SPOPL: variants seen among roughly 807,000 people sequenced by gnomAD.
SPOPL encodes speckle-type POZ protein-like.
SPOPL carries 23 observed loss-of-function variants against 53.8 expected under a neutral mutation model. The ratio of observed to expected loss-of-function variants is 0.43; its 90% CI spans 0.31 to 0.61. The LOEUF is 0.61. Ranked by LOEUF, SPOPL falls within the 20% of genes least tolerant of loss-of-function variation. The pLI, the probability that SPOPL is intolerant of heterozygous loss-of-function variation, is 0.12. For synonymous variants in SPOPL, 164 were observed against 149.7 expected, an observed-to-expected ratio of 1.10 and a Z score of -0.70; for missense variants, 442 against 466.9, an observed-to-expected ratio of 0.95 and a Z score of 0.49.
At chr2:138,505,501 A>G (rs1035623785) in intron 1 of SPOPL, among the ~76,000 whole-genome samples, 1 of 151,358 alleles carries the variant, frequency 6.6e-6, no homozygotes, top group Non-Finnish European at 1.5e-5. Flanking sequence ...TCATACCTAT[A>G]ATCCCAGCAC....
At chr2:138,532,454 T>G (rs1254773871) in intron 1 of SPOPL, among the ~76,000 whole-genome samples, 1 of 131,316 alleles carries the variant, frequency 7.6e-6, no homozygotes, top group Non-Finnish European at 1.6e-5. Flanking sequence ...TGAGATAGAA[T>G]CTCGCTCTGT....
intron 1 of SPOPL, among the ~76,000 whole-genome samples, chr2:138,527,523 A>T (rs544474473): frequency 6.6e-6 from 1 of 152,248 alleles, no homozygotes; most frequent in Non-Finnish European, 1.5e-5. Context: ...ATTTATTTTT[A>T]ATCAAGAAGT....
intron 5 of SPOPL, chr2:138,554,646 C>A: frequency 2.4e-6 from 1 of 424,538 alleles, no homozygotes; most frequent in Non-Finnish European, 3.5e-6. Flanking sequence ...GTAAGCAGCT[C>A]TGCCCTCTTT....
intron 5 of SPOPL, among the ~76,000 whole-genome samples, chr2:138,555,131 G>GGTGTGTGT (rs61000380): frequency 0.093 from 13,070 of 140,034 alleles, 774 homozygotes; most frequent in Middle Eastern, 0.18. Flanking sequence ...AGGGTAGGAG[G>GGTGTGTGT]GTGTGTGTGT....
intron 1 of SPOPL, among the ~76,000 whole-genome samples, chr2:138,531,444 T>G (rs1158658343): frequency 6.6e-6 from 1 of 152,180 alleles, no homozygotes; most frequent in Non-Finnish European, 1.5e-5. Flanking sequence ...CTACTTATAT[T>G]TAAGCCCCAA....
chr2:138,535,312 T>A (rs1030882153), intron 1 of SPOPL, among the ~76,000 whole-genome samples: 3 of 152,200 alleles, frequency 2.0e-5, no homozygotes, highest in African/African-American at 7.2e-5. Flanking sequence ...CAAAGAACAT[T>A]TATGTTTCAG....
intron 1 of SPOPL, among the ~76,000 whole-genome samples, chr2:138,510,568 A>AT (rs1177853626): frequency 1.3e-5 from 2 of 152,154 alleles, no homozygotes; most frequent in Non-Finnish European, 2.9e-5. Context: ...TGCAAATCAG[A>AT]TTTTGCCTTA....
rs2104912431 is a variant in SPOPL, at chr2:138,571,655, G to A, written c.*2575G>A. On this transcript the variant is annotated 3_prime_UTR_variant, in exon 11 of 11. Coordinates refer to ENST00000280098, the MANE Select transcript of SPOPL (RefSeq NM_001001664.3). ...GCCTCCTTCTCCTCATTTTTAAACT[G>A]CATACATTACTTTCAAAATAGGTAT... The A allele has an allele frequency of 6.6e-6, 1 of 152,526 alleles. No individual in the cohort carries two copies. Among genetic ancestry groups the A allele is most frequent in the East Asian group, 1.9e-4 (1 of 5,176 alleles). The allele number at this position is 152,526 out of a possible 1,614,324, so 9.4% of individuals were successfully genotyped here.
chr2:138,515,723 T>C (rs1684422912), intron 1 of SPOPL, among the ~76,000 whole-genome samples: 1 of 152,208 alleles, frequency 6.6e-6, no homozygotes, highest in Non-Finnish European at 1.5e-5. Flanking sequence ...GGGGATAATA[T>C]TTGTTGATTT....
rs1349574375 is a variant in SPOPL at position 138,572,566 on chromosome 2, G to C, written c.*3486G>C. On this transcript the variant is annotated 3_prime_UTR_variant, in exon 11 of 11. Coordinates refer to ENST00000280098, the MANE Select transcript of SPOPL (RefSeq NM_001001664.3). ...TATACTTGAAGAGGTGAATTATTCT[G>C]ACTTGGACATGCATGCTCTTTGATG... 2 of 152,476 alleles carry C rather than the reference G, an allele frequency of 1.3e-5. No homozygotes were observed. Among genetic ancestry groups the C allele is most frequent in the Admixed American group, 6.5e-5 (1 of 15,272 alleles). The allele number at this position is 152,476 out of a possible 1,614,324, so 9.4% of individuals were successfully genotyped here.
Position 138,564,706 on chromosome 2 carries a change from A to C in SPOPL, c.838-2A>C. 6.2e-7 allele frequency: 1 copy of C among 1,613,830 alleles called. No individual in the cohort carries two copies. The highest frequency in any genetic ancestry group is 8.5e-7 in the Non-Finnish European group (1 of 1,179,898). ...TAATGGTTATGTTTTCATTTTGGAT[A>C]GTATGCACTGGAACGGCTGAAGGTC... On this transcript the variant is annotated splice_acceptor_variant, in intron 8 of 10. Coordinates refer to ENST00000280098, the MANE Select transcript of SPOPL (RefSeq NM_001001664.3). LOFTEE classifies it high-confidence loss of function.
chr2:138,533,207 A>T (rs2104875479), intron 1 of SPOPL, among the ~76,000 whole-genome samples: 1 of 152,334 alleles, frequency 6.6e-6, no homozygotes. Context: ...AGATCACAGA[A>T]TTCATGGCAA....
At position 138,507,413 on chromosome 2, in the gene SPOPL, G is replaced by A. The variant is rs924299593; in HGVS notation, c.-61+5294G>A. On this transcript the variant is annotated intron_variant, in intron 1 of 10. Coordinates refer to ENST00000280098, the MANE Select transcript of SPOPL (RefSeq NM_001001664.3). ...AATTCAGAGACTAGGGACCATGAAC[G>A]ATTAAACAAATATTTGTTTTTCTTG... Among the ~76,000 whole-genome samples the A allele has an allele frequency of 3.9e-5, 6 of 152,156 alleles. No homozygotes were observed. The South Asian group carries it at 6.2e-4, about 16-fold the overall frequency.
intron 4 of SPOPL, among the ~76,000 whole-genome samples, chr2:138,551,736 T>G (rs574178120): frequency 1.3e-5 from 2 of 152,160 alleles, no homozygotes; most frequent in South Asian, 2.1e-4. Context: ...AATATATATT[T>G]TCACATTGTC....
chr2:138,555,131 GGTGTGTGTGTGTGTGTGTGTGTGT>G (rs61000380), intron 5 of SPOPL, among the ~76,000 whole-genome samples: 2 of 140,090 alleles, frequency 1.4e-5, no homozygotes, highest in Non-Finnish European at 3.1e-5. Flanking sequence ...AGGGTAGGAG[GGTGTGTGTGTGTGTGTGTGTGTGT>G]GTGTGTGTGT....
At chr2:138,525,662 A>AACAAAAAC (rs1553468786) in intron 1 of SPOPL, among the ~76,000 whole-genome samples, 2 of 104,576 alleles carry the variant, frequency 1.9e-5, no homozygotes, top group East Asian at 2.8e-4. Context: ...AGTAGAAAAA[A>AACAAAAAC]AAAAAAAAAA....
At chr2:138,546,767 A>C (rs1231494006) in intron 1 of SPOPL, among the ~76,000 whole-genome samples, 2 of 152,220 alleles carry the variant, frequency 1.3e-5, no homozygotes, top group Non-Finnish European at 2.9e-5. Context: ...CTCATCATTA[A>C]GATGGTGTAT....
chr2:138,557,179 G>A (rs1685445029), intron 5 of SPOPL, among the ~76,000 whole-genome samples: 2 of 152,008 alleles, frequency 1.3e-5, no homozygotes, highest in South Asian at 4.1e-4. Flanking sequence ...AAAGAATCTG[G>A]AGATTTAGGT....
At chr2:138,553,991 T>G (rs1221473547) in intron 5 of SPOPL, among the ~76,000 whole-genome samples, 2 of 151,822 alleles carry the variant, frequency 1.3e-5, no homozygotes, top group African/African-American at 4.8e-5. Context: ...TTAAAGGCTA[T>G]TTAATCCAAT....
Sources: gnomAD v4.1 joint callset for allele counts (sites outside exome capture counted in the v4.1 genomes callset) on GRCh38, gnomAD v4.1.1 for gene constraint, MANE v1.5 for transcripts, NCBI Gene and HGNC (gene_info 2026-07-23, HGNC 2026-07-21) for gene names.